The following KDM4B variants were observed in gnomAD, a reference collection of about 807,000 sequenced individuals.
KDM4B encodes lysine-specific demethylase 4B.
Under a neutral mutation model 125.2 loss-of-function variants are expected in KDM4B, and 32 were observed. That is an observed-to-expected ratio of 0.26 (90% CI 0.19 to 0.34). The LOEUF is 0.34. Ranked by LOEUF, KDM4B falls within the 10% of genes least tolerant of loss-of-function variation. The probability of loss-of-function intolerance (pLI) is 1.00; values close to 1 mark genes in which losing one functional copy is unlikely to be tolerated. For missense variants in KDM4B, 1,190 were observed against 1,577.7 expected, an observed-to-expected ratio of 0.75 and a Z score of 4.16; for synonymous variants, 721 against 677.9, an observed-to-expected ratio of 1.06 and a Z score of -0.99.
At chr19:4,993,444 A>G (rs2035092533) in intron 1 of KDM4B, among the ~76,000 whole-genome samples, 1 of 151,732 alleles carries the variant, frequency 6.6e-6, no homozygotes, top group Non-Finnish European at 1.5e-5. Context: ...AGGTATTGAC[A>G]TCTCCAGCTA....
chr19:5,136,354 G>T (rs373718043), intron 15 of KDM4B, among the ~76,000 whole-genome samples: 17 of 152,218 alleles, frequency 1.1e-4, no homozygotes, highest in South Asian at 2.1e-4. Flanking sequence ...CGCACGGGGG[G>T]GCGGTGGCAG....
At chr19:5,025,059 G>C (rs962387889) in intron 2 of KDM4B, among the ~76,000 whole-genome samples, 1 of 152,252 alleles carries the variant, frequency 6.6e-6, no homozygotes, top group African/African-American at 2.4e-5. Context: ...GGCTGCTCTT[G>C]GGCCTCAAAA....
chr19:5,002,138 C>T (rs1395355138), intron 1 of KDM4B, among the ~76,000 whole-genome samples: 4 of 152,182 alleles, frequency 2.6e-5, no homozygotes. Flanking sequence ...GCTGGGATTA[C>T]AGGCGTGTGC....
At chr19:5,108,694 A>G (rs1376025916) in intron 9 of KDM4B, among the ~76,000 whole-genome samples, 3 of 152,232 alleles carry the variant, frequency 2.0e-5, no homozygotes, top group African/African-American at 7.2e-5. Context: ...TGACAGCAAG[A>G]CAGGTACTTG....
rs2039538660 is a variant in KDM4B, at chr19:5,131,241, C to T, written c.1481C>T (p.Pro494Leu). The stretch of plus-strand genomic sequence containing the variant: ...GAGCCCCCGGTGCTGGGCCCAGGCC[C>T]TGCAGCCATGGAGGAGAGCCCCCTG... ...PLEPPVLGPG[P>L]AAMEESPLPA... is the part of the protein sequence containing the mutation. The change falls in exon 12 of 23, where the codon CCT becomes CTT. Residue 494 changes from proline to leucine, a missense_variant. By Grantham distance (98) the Pro-to-Leu change is moderately conservative. This residue lies in a region of KDM4B where 428 missense variants were observed against 405.1 expected (regional missense o/e 1.06). Coordinates refer to ENST00000159111, the MANE Select transcript of KDM4B (RefSeq NM_015015.3). The T allele has an allele frequency of 1.2e-6, 2 of 1,608,530 alleles. No homozygotes were observed.
At chr19:4,972,902 G>A (rs1157471517) in intron 1 of KDM4B, among the ~76,000 whole-genome samples, 3 of 152,202 alleles carry the variant, frequency 2.0e-5, no homozygotes, top group East Asian at 3.9e-4. Context: ...ATGAGGGGCA[G>A]CCCGGCATCT....
intron 12 of KDM4B, 37 bp from the exon 13 acceptor site, chr19:5,131,850 T>C (rs1250202079): frequency 6.2e-7 from 1 of 1,612,122 alleles, no homozygotes; most frequent in Non-Finnish European, 8.5e-7. Context: ...CAGGGGTCTG[T>C]AGCGGGGCCC....
Position 5,041,711 on chromosome 19 carries a change from C to T in KDM4B, c.432+460C>T, listed in dbSNP as rs1037486069. ...CCCGAGCCTGGTCTGCTGGAGCGTC[C>T]TCTTGTCCACACAGCCTGGGCTCTC... is the stretch of plus-strand genomic sequence containing the variant. On this transcript the variant is annotated intron_variant, in intron 5 of 22. Transcript: ENST00000159111. Among the ~76,000 whole-genome samples, 7 of 152,244 alleles carry T rather than the reference C, an allele frequency of 4.6e-5. No individual in the cohort carries two copies. In the East Asian group the frequency reaches 1.3e-3, roughly 29 times the overall value.
In KDM4B at chr19:5,142,483, G is replaced by C. The variant is rs1216423342; in HGVS notation, c.2551-1484G>C. Reference sequence around the variant, plus strand: ...CGCTTTTCACAACGTGGAGATGCAGGGTCATGGGCTGCCTGCTACCACGAG... The same window carrying C: ...CGCTTTTCACAACGTGGAGATGCAGCGTCATGGGCTGCCTGCTACCACGAG... On this transcript the variant is annotated intron_variant, in intron 18 of 22. Transcript: ENST00000159111. The surrounding 1 kb of genome is among the most constrained non-coding windows in gnomAD (Gnocchi z 5.4). Among the ~76,000 whole-genome samples the C allele has an allele frequency of 6.6e-6, 1 of 152,168 alleles. No individual in the cohort carries two copies. Among genetic ancestry groups the C allele is most frequent in the East Asian group, 1.9e-4 (1 of 5,170 alleles).
At chr19:5,060,363 C>T (rs547723956) in intron 6 of KDM4B, among the ~76,000 whole-genome samples, 14 of 137,014 alleles carry the variant, frequency 1.0e-4, no homozygotes, top group Admixed American at 7.6e-4. Context: ...GGCGTGAACC[C>T]GGGAGGTGGA....
At chr19:5,057,969 G>A in intron 6 of KDM4B, among the ~76,000 whole-genome samples, 1 of 152,238 alleles carries the variant, frequency 6.6e-6, no homozygotes, top group East Asian at 1.9e-4. Context: ...GTGCTGCTGT[G>A]TAGGTGAGGG....
rs139741708 is a variant in KDM4B, at chr19:5,004,387, G to A, written c.-108-11870G>A. 4.6e-5 allele frequency among the ~76,000 whole-genome samples: 7 copies of A among 152,210 alleles called. No individual in the cohort carries two copies. In the East Asian group the frequency reaches 5.8e-4, roughly 13 times the overall value. On this transcript the variant is annotated intron_variant, in intron 1 of 22. Transcript: ENST00000159111. ...GGCCCACAGTGGGCCTGTTCTCACC[G>A]CGCATCCCGCCAGCTCCTTGGCCCT...
rs1485844898 is a variant in KDM4B, at chr19:4,969,141, G to C, written c.-198G>C. The C allele has an allele frequency of 6.6e-6, 1 of 150,948 alleles. No individual in the cohort carries two copies. The allele number at this position is 150,948 out of a possible 1,614,324, so 9.4% of individuals were successfully genotyped here. The stretch of plus-strand genomic sequence containing the variant: ...GCTCGGTCGCCAGCAACCGAGCGGG[G>C]CCCGGCCCGAGCGGGGCCTGGGGGT... On this transcript the variant is annotated 5_prime_UTR_variant, in exon 1 of 23. Coordinates refer to ENST00000159111, the MANE Select transcript of KDM4B (RefSeq NM_015015.3).
At chr19:5,064,053 C>G (rs912629921) in intron 6 of KDM4B, among the ~76,000 whole-genome samples, 1 of 152,208 alleles carries the variant, frequency 6.6e-6, no homozygotes, top group Non-Finnish European at 1.5e-5. Context: ...GGGCAGTGCG[C>G]CAGAGCCATC....
In KDM4B at chr19:5,049,589, G is replaced by A. The variant is rs899707554; in HGVS notation, c.626+1920G>A. Among the ~76,000 whole-genome samples the A allele has an allele frequency of 3.9e-5, 6 of 151,968 alleles. No individual in the cohort carries two copies. The East Asian group carries it at 7.8e-4, about 20-fold the overall frequency. ...CTCAACCCCCCAGAGCTCCCCACTC[G>A]CCCCCACAGTCAGCTCAGCCTGCTT... On this transcript the variant is annotated intron_variant, in intron 6 of 22. Transcript: ENST00000159111.
At chr19:5,055,148 C>T (rs2037356359) in intron 6 of KDM4B, among the ~76,000 whole-genome samples, 1 of 152,258 alleles carries the variant, frequency 6.6e-6, no homozygotes, top group Non-Finnish European at 1.5e-5. Context: ...ATTGTGCCCC[C>T]AGGACAGGCA....
intron 13 of KDM4B, among the ~76,000 whole-genome samples, chr19:5,132,786 G>A (rs1460480271): frequency 6.6e-6 from 1 of 152,182 alleles, no homozygotes; most frequent in African/African-American, 2.4e-5. Flanking sequence ...GACCATCACG[G>A]CCCCAGAACC....
At chr19:5,014,425 CG>C (rs2035827517) in intron 1 of KDM4B, among the ~76,000 whole-genome samples, 1 of 152,110 alleles carries the variant, frequency 6.6e-6, no homozygotes, top group Admixed American at 6.6e-5. Flanking sequence ...TGCAGGCGCC[CG>C]CCACCACGCC....
intron 9 of KDM4B, among the ~76,000 whole-genome samples, chr19:5,109,356 C>T (rs971672656): frequency 1.3e-5 from 2 of 152,234 alleles, no homozygotes; most frequent in Non-Finnish European, 2.9e-5. Context: ...CCTGGCTTCT[C>T]TGGCCCCAAG....
Sources: gnomAD v4.1 joint callset for allele counts (sites outside exome capture counted in the v4.1 genomes callset) on GRCh38, gnomAD v4.1.1 for gene constraint, gnomAD v4.1.1 regional missense constraint, Gnocchi (gnomAD v3.1) non-coding constraint, MANE v1.5 for transcripts, NCBI Gene and HGNC (gene_info 2026-07-23, HGNC 2026-07-21) for gene names.